Variants in GNAL observed in about 807,000 individuals in gnomAD.
GNAL encodes G protein subunit alpha L.
GNAL carries 18 observed loss-of-function variants against 55.1 expected under a neutral mutation model. That is an observed-to-expected ratio of 0.33 (90% CI 0.23 to 0.48). The LOEUF (loss-of-function observed/expected upper bound fraction) is 0.48, where lower values mean the gene tolerates loss of function less well. Ranked by LOEUF, GNAL falls within the 20% of genes least tolerant of loss-of-function variation. GNAL has a pLI of 0.99. For synonymous variants in GNAL, 253 were observed against 237.0 expected (o/e 1.07, Z -0.62); for missense variants, 412 against 614.1 (o/e 0.67, Z 3.48).
chr18:11,717,716 C>G (rs947397012), intron 1 of GNAL, among the ~76,000 whole-genome samples: 3 of 152,196 alleles, frequency 2.0e-5, no homozygotes, highest in Non-Finnish European at 4.4e-5. Flanking sequence ...ACTGCATGTT[C>G]TCACTTATAA....
chr18:11,704,876 A>G (rs938852534), intron 1 of GNAL, among the ~76,000 whole-genome samples: 4 of 152,140 alleles, frequency 2.6e-5, no homozygotes, highest in Admixed American at 2.0e-4. Context: ...TAGTTTTGAC[A>G]TGTGTATACA....
intron 6 of GNAL, 26 bp downstream of exon 6, chr18:11,862,475 A>G (rs1239562340): frequency 6.7e-7 from 1 of 1,498,722 alleles, no homozygotes; most frequent in South Asian, 1.1e-5. Context: ...GTCCCCCACC[A>G]CACACCAGAA....
intron 4 of GNAL, among the ~76,000 whole-genome samples, chr18:11,788,485 A>G (rs975383790): frequency 2.0e-5 from 3 of 152,184 alleles, no homozygotes; most frequent in African/African-American, 7.2e-5. Context: ...CTCCACAATC[A>G]TGCCAAGAAT....
At chr18:11,866,485 T>C (rs986148895) in intron 7 of GNAL, among the ~76,000 whole-genome samples, 3 of 150,372 alleles carry the variant, frequency 2.0e-5, no homozygotes, top group African/African-American at 5.0e-5. Flanking sequence ...CCTTATGCGC[T>C]GAGCAGGGGC....
chr18:11,857,341 T>A (rs1161299939), intron 5 of GNAL: 2 of 247,656 alleles, frequency 8.1e-6, no homozygotes, highest in African/African-American at 4.6e-5. Context: ...GGGTTTAATC[T>A]CAGGTTTCAA....
intron 11 of GNAL, among the ~76,000 whole-genome samples, chr18:11,877,129 C>A (rs377037852): frequency 6.6e-6 from 1 of 152,258 alleles, no homozygotes; most frequent in African/African-American, 2.4e-5. Flanking sequence ...TTCAAACTTA[C>A]ATATGAGGCA....
intron 1 of GNAL, among the ~76,000 whole-genome samples, chr18:11,712,499 A>G (rs575653759): frequency 6.6e-6 from 1 of 152,210 alleles, no homozygotes; most frequent in Admixed American, 6.5e-5. Flanking sequence ...CAGGGCAATA[A>G]ATTTTTCAGC....
chr18:11,880,339 T>G (rs190834382), intron 11 of GNAL, among the ~76,000 whole-genome samples: 3 of 146,194 alleles, frequency 2.1e-5, no homozygotes, highest in East Asian at 4.7e-4. Context: ...GAGGCCGAGG[T>G]GGGCGGATCA....
chr18:11,796,600 A>AC (rs2034395693), intron 4 of GNAL, among the ~76,000 whole-genome samples: 4 of 149,776 alleles, frequency 2.7e-5, no homozygotes, highest in African/African-American at 9.9e-5. Context: ...AAAAAACAAA[A>AC]CACGCAACCT....
intron 1 of GNAL, among the ~76,000 whole-genome samples, chr18:11,749,582 A>T (rs2032768205): frequency 6.6e-6 from 1 of 152,198 alleles, no homozygotes; most frequent in Non-Finnish European, 1.5e-5. Flanking sequence ...CCGCAGGTAC[A>T]AGGATAGGCT....
intron 4 of GNAL, among the ~76,000 whole-genome samples, chr18:11,807,810 G>A (rs2034704662): frequency 6.6e-6 from 1 of 152,158 alleles, no homozygotes; most frequent in Admixed American, 6.5e-5. Flanking sequence ...GGAGGCTGTG[G>A]GAAGAGAGGG....
At chr18:11,813,179 C>T (rs759234218) in intron 4 of GNAL, among the ~76,000 whole-genome samples, 5 of 149,102 alleles carry the variant, frequency 3.4e-5, no homozygotes, top group African/African-American at 5.0e-5. Flanking sequence ...TGGTGGAACC[C>T]GGGAGGTGGA....
chr18:11,786,392 C>G (rs575570878), intron 4 of GNAL, among the ~76,000 whole-genome samples: 33 of 147,102 alleles, frequency 2.2e-4, no homozygotes, highest in African/African-American at 7.5e-4. Flanking sequence ...GGTTCTTTTA[C>G]ACGTGGCTGA....
At chr18:11,700,468 C>T (rs988031621) in intron 1 of GNAL, among the ~76,000 whole-genome samples, 8 of 152,232 alleles carry the variant, frequency 5.3e-5, no homozygotes, top group African/African-American at 1.2e-4. Context: ...AGCTCTGCCT[C>T]ATCAGGAGGA....
chr18:11,830,178 G>A (rs553132557), intron 5 of GNAL, among the ~76,000 whole-genome samples: 2 of 151,440 alleles, frequency 1.3e-5, no homozygotes, highest in South Asian at 2.1e-4. Flanking sequence ...CTATTCCTGC[G>A]TGTTTTCCAT....
rs570429638 is a variant in GNAL at position 11,753,095 on chromosome 18, T to C, written c.449+170T>C. Reference sequence around the variant, plus strand: ...GATTTGGTATATTTAGGCAAATCCTTCTTCTGCTAGTGTCTAATGAAAAAA... The same window carrying C: ...GATTTGGTATATTTAGGCAAATCCTCCTTCTGCTAGTGTCTAATGAAAAAA... On this transcript the variant is annotated intron_variant, in intron 2 of 11. Transcript: ENST00000334049. 7.9e-5 allele frequency among the ~76,000 whole-genome samples: 12 copies of C among 152,322 alleles called. 1 individual carries two copies. The South Asian group carries it at 2.3e-3, about 29-fold the overall frequency.
rs550690796 is a variant in GNAL, at chr18:11,883,273, A to G, written c.*2138A>G. ...CCTCAGCTGAACTAAGATAAATAATACAATGGAAATTATTTTCAGTTCCCC... is the reference window on the plus strand; with the variant it reads ...CCTCAGCTGAACTAAGATAAATAATGCAATGGAAATTATTTTCAGTTCCCC... On this transcript the variant is annotated 3_prime_UTR_variant, in exon 12 of 12. Transcript: ENST00000334049. 6.6e-6 allele frequency: 1 copy of G among 152,352 alleles called. No individual in the cohort carries two copies. Among genetic ancestry groups the G allele is most frequent in the Non-Finnish European group, 1.5e-5 (1 of 68,020 alleles). 9.4% of individuals were successfully genotyped at this position (152,352 alleles called of 1,614,324 possible).
intron 4 of GNAL, among the ~76,000 whole-genome samples, chr18:11,812,737 G>C (rs1042802666): frequency 1.3e-5 from 2 of 151,822 alleles, no homozygotes; most frequent in Non-Finnish European, 2.9e-5. Context: ...CCAGCTACTC[G>C]GGAGGCTGAG....
intron 1 of GNAL, among the ~76,000 whole-genome samples, chr18:11,747,956 C>A (rs1323351595): frequency 1.3e-5 from 2 of 152,110 alleles, no homozygotes; most frequent in Non-Finnish European, 2.9e-5. Context: ...TGCCTAGCAA[C>A]AGACGCTCAC....
Sources: allele counts gnomAD v4.1 joint callset (sites outside exome capture counted in the v4.1 genomes callset), GRCh38; gene constraint gnomAD v4.1.1; transcripts MANE v1.5; gene names NCBI Gene and HGNC (gene_info 2026-07-23, HGNC 2026-07-21).